The following DIS3L2 variants were observed in gnomAD, a reference collection of about 807,000 sequenced individuals.
DIS3L2 encodes DIS3-like exonuclease 2.
A neutral mutation model predicts 97.5 loss-of-function variants in DIS3L2; 34 were observed. The ratio of observed to expected loss-of-function variants is 0.35; its 90% confidence interval spans 0.27 to 0.46. The LOEUF is 0.46. Ranked by LOEUF, DIS3L2 falls within the 20% of genes least tolerant of loss-of-function variation. The pLI, the probability that DIS3L2 is intolerant of heterozygous loss-of-function variation, is 1.00. For synonymous variants in DIS3L2, 435 were observed against 445.2 expected (o/e 0.98, Z 0.29); for missense variants, 1,038 against 1,146.0 (o/e 0.91, Z 1.36).
chr2:232,320,811 A>G (rs1695410860), intron 14 of DIS3L2, among the ~76,000 whole-genome samples: 1 of 152,360 alleles, frequency 6.6e-6, no homozygotes. Context: ...GCTCTGGGAT[A>G]CATAGATGGG....
intron 6 of DIS3L2, among the ~76,000 whole-genome samples, chr2:232,109,657 G>A (rs1381676189): frequency 6.6e-6 from 1 of 151,974 alleles, no homozygotes; most frequent in Non-Finnish European, 1.5e-5. Flanking sequence ...ATGGTGCTGG[G>A]AGAACTGGCA....
intron 1 of DIS3L2, among the ~76,000 whole-genome samples, chr2:231,983,715 A>G (rs1411727107): frequency 6.6e-6 from 1 of 151,972 alleles, no homozygotes; most frequent in Non-Finnish European, 1.5e-5. Flanking sequence ...ACGTTGAAAC[A>G]CGTCTCTGCT....
chr2:232,096,446 G>A (rs1416258032), intron 6 of DIS3L2, among the ~76,000 whole-genome samples: 13 of 151,900 alleles, frequency 8.6e-5, no homozygotes, highest in Admixed American at 7.2e-4. Flanking sequence ...CTTGTACTTG[G>A]ATATTAATGT....
intron 11 of DIS3L2, 145 bp from the exon 12 acceptor site, chr2:232,249,094 C>A: frequency 1.4e-6 from 1 of 693,838 alleles, no homozygotes; most frequent in Non-Finnish European, 2.5e-6. Flanking sequence ...ACAGTGTGGT[C>A]TTTCTGCAGA....
intron 10 of DIS3L2, among the ~76,000 whole-genome samples, chr2:232,231,269 T>A (rs970141181): frequency 1.3e-5 from 2 of 152,310 alleles, no homozygotes; most frequent in Admixed American, 6.5e-5. Flanking sequence ...GCTGATTGAA[T>A]GAATGAAGAT....
chr2:232,241,265 C>T (rs1315744593), intron 11 of DIS3L2, among the ~76,000 whole-genome samples: 1 of 152,216 alleles, frequency 6.6e-6, no homozygotes. Context: ...GCTGTGTTTC[C>T]GCCCTCCAGA....
At chr2:232,045,007 G>GA (rs1303431145) in intron 5 of DIS3L2, among the ~76,000 whole-genome samples, 2 of 152,128 alleles carry the variant, frequency 1.3e-5, no homozygotes, top group African/African-American at 4.8e-5. Context: ...CTCAGGTTGA[G>GA]AAAATCGGTC....
chr2:232,253,733 T>C (rs1161793882), intron 12 of DIS3L2, among the ~76,000 whole-genome samples: 2 of 151,876 alleles, frequency 1.3e-5, no homozygotes, highest in Non-Finnish European at 2.9e-5. Flanking sequence ...AGTTTGCAAA[T>C]AATGCCTAAA....
At chr2:232,187,982 C>T (rs1691493808) in intron 9 of DIS3L2, among the ~76,000 whole-genome samples, 1 of 152,034 alleles carries the variant, frequency 6.6e-6, no homozygotes, top group South Asian at 2.1e-4. Flanking sequence ...ACCAAAAATA[C>T]AAAAACAATT....
At chr2:232,337,884 G>A (rs1174006006), downstream of DIS3L2, among the ~76,000 whole-genome samples, 24 of 151,402 alleles carry the variant, frequency 1.6e-4, no homozygotes, top group African/African-American at 4.9e-4. Flanking sequence ...AAGACATCCC[G>A]CACCTGCCCT....
intron 13 of DIS3L2, among the ~76,000 whole-genome samples, chr2:232,296,581 C>T (rs996958527): frequency 6.6e-5 from 10 of 152,126 alleles, no homozygotes; most frequent in Admixed American, 6.5e-5. Context: ...GTGAATAAGC[C>T]TCACAGGATC....
At chr2:231,968,873 A>G (rs1440241989) in intron 1 of DIS3L2, among the ~76,000 whole-genome samples, 4 of 152,184 alleles carry the variant, frequency 2.6e-5, no homozygotes, top group Non-Finnish European at 4.4e-5. Flanking sequence ...TTCATGTTGA[A>G]TTGTAATCCC....
chr2:232,335,381 T>TC (rs1695906837), intron 19 of DIS3L2: 1 of 225,168 alleles, frequency 4.4e-6, no homozygotes, highest in Non-Finnish European at 8.8e-6. Flanking sequence ...CCCTGGGGGC[T>TC]CTGTATCCTG....
Position 232,163,546 on chromosome 2 carries a change from T to C in DIS3L2, c.1038T>C (p.Asp346=), listed in dbSNP as rs1471958029. 1 of 1,614,092 alleles carries C rather than the reference T, an allele frequency of 6.2e-7. No homozygotes were observed. Among genetic ancestry groups the C allele is most frequent in the African/African-American group, 1.3e-5 (1 of 74,938 alleles). ...ILTEYGVDFS[D]FSSEVLECLP... ...CAGAGTATGGCGTGGATTTCTCTGA[T>C]TTCTCTTCAGAAGTTCTAGAATGTC... Residue 346 remains aspartate, a synonymous_variant, in exon 9 of 21, where the codon GAT becomes GAC. Coordinates refer to ENST00000325385, the MANE Select transcript of DIS3L2 (RefSeq NM_152383.5).
intron 8 of DIS3L2, among the ~76,000 whole-genome samples, chr2:232,140,957 G>A (rs1698493982): frequency 6.6e-6 from 1 of 152,052 alleles, no homozygotes; most frequent in Non-Finnish European, 1.5e-5. Context: ...AGCTTTTAGG[G>A]ATCACTGTTT....
chr2:232,076,263 T>C (rs11685416), intron 5 of DIS3L2, among the ~76,000 whole-genome samples: 1,715 of 152,336 alleles, frequency 0.011, 19 homozygotes, highest in Non-Finnish European at 0.016. Flanking sequence ...CTCTTTTTCA[T>C]GTGTACCTGT....
intron 9 of DIS3L2, among the ~76,000 whole-genome samples, chr2:232,195,791 C>T (rs1277675801): frequency 6.6e-6 from 1 of 152,054 alleles, no homozygotes; most frequent in Non-Finnish European, 1.5e-5. Flanking sequence ...TAATGTTATC[C>T]ATAGGAGCAA....
chr2:232,247,967 A>G (rs1166772178), intron 11 of DIS3L2, among the ~76,000 whole-genome samples: 1 of 152,232 alleles, frequency 6.6e-6, no homozygotes, highest in East Asian at 1.9e-4. Flanking sequence ...AAAAGTTGTT[A>G]CCAGAGTTAT....
intron 6 of DIS3L2, among the ~76,000 whole-genome samples, chr2:232,114,659 C>A (rs963995154): frequency 6.6e-6 from 1 of 152,060 alleles, no homozygotes; most frequent in Non-Finnish European, 1.5e-5. Flanking sequence ...GATTGAATTA[C>A]CCGAAGTAAT....
Sources: gnomAD v4.1 joint callset for allele counts (sites outside exome capture counted in the v4.1 genomes callset) on GRCh38, gnomAD v4.1.1 for gene constraint, MANE v1.5 for transcripts, NCBI Gene and HGNC (gene_info 2026-07-23, HGNC 2026-07-21) for gene names.